ABCA12: variants seen among roughly 807,000 people sequenced by gnomAD.
ABCA12 encodes ATP binding cassette subfamily A member 12, also known as glucosylceramide transporter ABCA12.
Under a neutral mutation model 293.5 loss-of-function variants are expected in ABCA12, and 156 were observed. The ratio of observed to expected loss-of-function variants is 0.53; its 90% CI spans 0.47 to 0.61. The LOEUF is 0.61. Among genes scored for constraint, ABCA12 ranks in the 20% least tolerant of loss-of-function variants. The pLI, the probability that ABCA12 is intolerant of heterozygous loss-of-function variation, is 0.00. For synonymous variants in ABCA12, 1,063 were observed against 1,108.0 expected (o/e 0.96, Z 0.81); for missense variants, 2,797 against 3,090.2 (o/e 0.91, Z 2.25).
intron 2 of ABCA12, among the ~76,000 whole-genome samples, chr2:215,110,528 AAAAAAG>A (rs1702551712): frequency 6.6e-6 from 1 of 152,150 alleles, no homozygotes; most frequent in Non-Finnish European, 1.5e-5. Context: ...AAAACAAAAC[AAAAAAG>A]AAATAAGGTA....
chr2:214,999,215 A>C (rs1431618069), intron 22 of ABCA12, among the ~76,000 whole-genome samples: 1 of 152,118 alleles, frequency 6.6e-6, no homozygotes, highest in Non-Finnish European at 1.5e-5. Context: ...TACAGCCTTG[A>C]AGTGATTTCT....
At chr2:215,089,943 A>G (rs1410905798) in intron 2 of ABCA12, among the ~76,000 whole-genome samples, 3 of 152,186 alleles carry the variant, frequency 2.0e-5, no homozygotes, top group Non-Finnish European at 4.4e-5. Context: ...GATATGTGTC[A>G]GGCCTCTGAG....
intron 1 of ABCA12, among the ~76,000 whole-genome samples, chr2:215,134,761 C>T (rs73076543): frequency 6.6e-6 from 1 of 150,942 alleles, no homozygotes; most frequent in African/African-American, 2.4e-5. Flanking sequence ...AATCCTCCCA[C>T]CGCAACTTCC....
intron 1 of ABCA12, among the ~76,000 whole-genome samples, chr2:215,114,556 G>A: frequency 6.6e-6 from 1 of 152,080 alleles, no homozygotes; most frequent in Non-Finnish European, 1.5e-5. Context: ...TAGGAGGCCA[G>A]GATTCTTTTT....
intron 10 of ABCA12, 27 bp from the exon 11 acceptor site, chr2:215,025,806 T>A: frequency 6.6e-7 from 1 of 1,509,944 alleles, no homozygotes; most frequent in Non-Finnish European, 9.2e-7. Flanking sequence ...AAGAGTTACT[T>A]TATGTGAATT....
chr2:215,042,005 GTT>G (rs1225036448), intron 7 of ABCA12, among the ~76,000 whole-genome samples: 3 of 152,140 alleles, frequency 2.0e-5, no homozygotes, highest in Non-Finnish European at 4.4e-5. Flanking sequence ...TCAAGTGATG[GTT>G]TCTAGGGTCT....
At chr2:215,037,395 C>T (rs1305265311) in intron 7 of ABCA12, among the ~76,000 whole-genome samples, 1 of 152,042 alleles carries the variant, frequency 6.6e-6, no homozygotes. Flanking sequence ...TTAAAGAATA[C>T]ATCTTTTTTT....
intron 2 of ABCA12, among the ~76,000 whole-genome samples, chr2:215,066,859 C>A (rs1255961264): frequency 1.5e-5 from 2 of 134,820 alleles, no homozygotes; most frequent in Non-Finnish European, 3.4e-5. Flanking sequence ...TGTAAGGGTG[C>A]CTGTTGCAAC....
At chr2:215,051,551 A>T (rs1166810297) in intron 5 of ABCA12, among the ~76,000 whole-genome samples, 1 of 151,558 alleles carries the variant, frequency 6.6e-6, no homozygotes, top group African/African-American at 2.4e-5. Context: ...GACATGTCTC[A>T]TGATCAGATA....
chr2:214,950,414 GTGTGTGTA>G lies in ABCA12; in HGVS notation c.6852+457_6852+464del, dbSNP rs1245540475. 3.3e-3 allele frequency among the ~76,000 whole-genome samples: 407 copies of G among 123,914 alleles called. 5 individuals carry two copies. Among genetic ancestry groups the G allele is most frequent in the African/African-American group, 0.012 (393 of 32,158 alleles). 81.3% of individuals were successfully genotyped at this position (123,914 alleles called of 152,430 possible). ...TGTGTGTGTGTGTGTGTGTGTGTGT[GTGTGTGTA>G]TATATATGCATGTGTGTATATTTTC... On this transcript the variant is annotated intron_variant, in intron 45 of 52. Coordinates refer to ENST00000272895, the MANE Select transcript of ABCA12 (RefSeq NM_173076.3).
At position 214,968,818 on chromosome 2, in the gene ABCA12, T is replaced by C. The variant is rs1400775666; in HGVS notation, c.5691-11A>G. ...CTCCAACCTCCATATCTACAGAGAGTAATAAAAATATATCTTTGGTTTAGT... is the reference window on the plus strand; with the variant it reads ...CTCCAACCTCCATATCTACAGAGAGCAATAAAAATATATCTTTGGTTTAGT... On this transcript the variant is annotated splice_polypyrimidine_tract_variant and intron_variant, in intron 37 of 52. Transcript: ENST00000272895. The C allele has an allele frequency of 6.2e-7, 1 of 1,609,638 alleles. No homozygotes were observed. Among genetic ancestry groups the C allele is most frequent in the South Asian group, 1.1e-5 (1 of 90,972 alleles).
chr2:215,025,002 C>T (rs554815471), intron 11 of ABCA12, among the ~76,000 whole-genome samples: 1 of 152,132 alleles, frequency 6.6e-6, no homozygotes, highest in African/African-American at 2.4e-5. Context: ...ATTTTAGCTT[C>T]TGATGACAAC....
chr2:214,946,506 A>G (rs1698587351), intron 48 of ABCA12, among the ~76,000 whole-genome samples: 1 of 152,154 alleles, frequency 6.6e-6, no homozygotes, highest in African/African-American at 2.4e-5. Context: ...GAATTCCATT[A>G]TAAGCATCGA....
chr2:215,119,494 T>C (rs2105906455), intron 1 of ABCA12, among the ~76,000 whole-genome samples: 1 of 152,202 alleles, frequency 6.6e-6, no homozygotes, highest in Middle Eastern at 3.4e-3. Context: ...TGGGGAAAGG[T>C]ACGGGTCCAG....
intron 2 of ABCA12, among the ~76,000 whole-genome samples, chr2:215,091,501 C>A (rs1377908924): frequency 6.6e-6 from 1 of 152,202 alleles, no homozygotes; most frequent in Non-Finnish European, 1.5e-5. Flanking sequence ...AAAAACCCAG[C>A]CCAGTTCATG....
Position 215,064,107 on chromosome 2 carries a change from C to T in ABCA12, c.276G>A (p.Leu92=). ...CKDTPYGPQD[L]LRRKGIDDAL... Reference sequence around the variant, plus strand: ...CATCATCAATTCCTTTCCTACGAAGCAGATCTTGTGGGCCATAGGGTGTGT... The same window carrying T: ...CATCATCAATTCCTTTCCTACGAAGTAGATCTTGTGGGCCATAGGGTGTGT... Residue 92 remains leucine (L), a synonymous_variant, in exon 3 of 53, where the codon CTG becomes CTA. Transcript: ENST00000272895. The T allele has an allele frequency of 1.9e-6, 3 of 1,612,922 alleles. No individual in the cohort carries two copies. Among genetic ancestry groups the T allele is most frequent in the Non-Finnish European group, 2.5e-6 (3 of 1,179,220 alleles).
Position 214,978,739 on chromosome 2 carries a change from T to C in ABCA12, c.4977+65A>G. 3.3e-6 allele frequency: 5 copies of C among 1,538,260 alleles called. No individual in the cohort carries two copies. In the Admixed American group the frequency reaches 5.1e-5, roughly 16 times the overall value. On this transcript the variant is annotated intron_variant, in intron 32 of 52. Transcript: ENST00000272895. ...AAAATTTTTTTAGAAAAATGGCACA[T>C]ATTTCTTCAAAGGGAACAGCAAGTT...
intron 13 of ABCA12, 99 bp from the exon 14 acceptor site, chr2:215,018,231 C>T (rs946068942): frequency 1.3e-5 from 19 of 1,470,662 alleles, no homozygotes; most frequent in South Asian, 7.4e-5. Context: ...CTAAGACATA[C>T]GTGCCTTCTC....
intron 52 of ABCA12, 49 bp downstream of exon 52, chr2:214,934,029 T>C (rs371964525): frequency 3.2e-6 from 5 of 1,570,780 alleles, no homozygotes; most frequent in Non-Finnish European, 4.4e-6. Context: ...GAATGAATAA[T>C]AATATTAATA....
Sources: gnomAD v4.1 joint callset for allele counts (sites outside exome capture counted in the v4.1 genomes callset) on GRCh38, gnomAD v4.1.1 for gene constraint, MANE v1.5 for transcripts, NCBI Gene and HGNC (gene_info 2026-07-23, HGNC 2026-07-21) for gene names.